The following SCNN1B variants were observed in gnomAD, a reference collection of about 807,000 sequenced individuals.
SCNN1B encodes sodium channel epithelial 1 subunit beta.
In SCNN1B, 46 loss-of-function variants were observed where a neutral mutation model predicts 65.3. The observed-to-expected ratio is 0.70, with a 90% CI of 0.56 to 0.90. The LOEUF (loss-of-function observed/expected upper bound fraction) is 0.90, where lower values mean the gene tolerates loss of function less well. SCNN1B is among the 40% of genes least tolerant of loss of function. The pLI is 0.00. For synonymous variants in SCNN1B, 349 were observed against 330.6 expected, an observed-to-expected ratio of 1.06 and a Z score of -0.60; for missense variants, 751 against 830.5, an observed-to-expected ratio of 0.90 and a Z score of 1.18.
chr16:23,299,059 C>CTTTTTTT (rs552336545), upstream of SCNN1B, among the ~76,000 whole-genome samples: 30 of 130,520 alleles, frequency 2.3e-4, no homozygotes, highest in South Asian at 5.0e-4. Flanking sequence ...TTTTCTTTTT[C>CTTTTTTT]TTTTTTTTTT....
At chr16:23,337,437 G>A (rs1432001748) in intron 1 of SCNN1B, among the ~76,000 whole-genome samples, 1 of 141,890 alleles carries the variant, frequency 7.0e-6, no homozygotes, top group African/African-American at 2.7e-5. Context: ...GCAGTGGTAT[G>A]ATCTCGGCTC....
At chr16:23,317,369 A>G (rs565046408) in intron 1 of SCNN1B, among the ~76,000 whole-genome samples, 5 of 152,334 alleles carry the variant, frequency 3.3e-5, no homozygotes, top group East Asian at 1.9e-4. Context: ...CAGCAGCTCA[A>G]TCTCTGGATT....
At chr16:23,341,851 G>A (rs1380746694) in intron 1 of SCNN1B, among the ~76,000 whole-genome samples, 1 of 152,190 alleles carries the variant, frequency 6.6e-6, no homozygotes, top group Non-Finnish European at 1.5e-5. Flanking sequence ...AGGATGTGGA[G>A]AGATTAGAAC....
chr16:23,304,189 G>C lies in SCNN1B; in HGVS notation c.-9+1752G>C. ...TCTTTATCCTAAACTAACTTCACAG[G>C]ATCTGAATTTAGGGGATGAGGTCCT... On this transcript the variant is annotated intron_variant, in intron 1 of 12. Transcript: ENST00000343070. 4.6e-6 allele frequency: 5 copies of C among 1,091,772 alleles called. No individual in the cohort carries two copies. The South Asian group carries it at 6.8e-5, about 15-fold the overall frequency. 67.6% of individuals were successfully genotyped at this position (1,091,772 alleles called of 1,614,324 possible). A position where few individuals can be genotyped will look rare whatever the true frequency, so the allele number is the denominator to read the frequency against.
intron 2 of SCNN1B, among the ~76,000 whole-genome samples, chr16:23,350,319 TC>T (rs1033019922): frequency 1.3e-5 from 2 of 152,084 alleles, no homozygotes; most frequent in African/African-American, 4.8e-5. Flanking sequence ...CCTGATGTGA[TC>T]CCAGAACTGC....
intron 1 of SCNN1B, chr16:23,283,702 G>A (rs930767664): frequency 6.6e-6 from 1 of 152,028 alleles, no homozygotes; most frequent in Non-Finnish European, 1.5e-5. Context: ...GAGGAAATTT[G>A]ATACAAGAAA....
At chr16:23,338,123 C>T (rs1429690472) in intron 1 of SCNN1B, among the ~76,000 whole-genome samples, 1 of 152,144 alleles carries the variant, frequency 6.6e-6, no homozygotes, top group African/African-American at 2.4e-5. Flanking sequence ...ATTTCCTGCA[C>T]CAAAGCTGGT....
intron 1 of SCNN1B, among the ~76,000 whole-genome samples, chr16:23,335,019 G>A (rs1387377126): frequency 1.3e-5 from 2 of 152,096 alleles, no homozygotes; most frequent in African/African-American, 4.8e-5. Flanking sequence ...AATTTTAATT[G>A]CTCTTTTCAA....
At position 23,348,547 on chromosome 16, in the gene SCNN1B, A is replaced by T. The variant is rs779513157; in HGVS notation, c.-8-45A>T. The T allele has an allele frequency of 3.9e-5, 63 of 1,595,638 alleles. 1 individual carries two copies. In the South Asian group the frequency reaches 6.6e-4, roughly 17 times the overall value. ...ACGTGACTGGGACATCCTCGCAGGC[A>T]AGGCTGGTGTCCCAGCTGATGTGCG... On this transcript the variant is annotated intron_variant, in intron 1 of 12. Transcript: ENST00000343070. This position sits in a 1 kb window ranked among gnomAD's most constrained non-coding sequence, Gnocchi z 4.5.
Position 23,305,581 on chromosome 16 carries a change from A to ATATATATATATATAAATAT in SCNN1B, c.-9+3158_-9+3159insAATATTATATATATATATA, listed in dbSNP as rs1961198700. ...ATATATATATATATATATATATTAT[A>ATATATATATATATAAATAT]TATATATATATATATATAACCTGGG... is the stretch of plus-strand genomic sequence containing the variant. On this transcript the variant is annotated intron_variant, in intron 1 of 12. Transcript: ENST00000343070. Among the ~76,000 whole-genome samples the ATATATATATATATAAATAT allele has an allele frequency of 1.5e-4, 5 of 33,410 alleles. 1 individual carries two copies. The South Asian group carries it at 3.9e-3, about 26-fold the overall frequency. 21.9% of individuals were successfully genotyped at this position (33,410 alleles called of 152,430 possible).
intron 2 of SCNN1B, among the ~76,000 whole-genome samples, chr16:23,289,908 T>G (rs1960900353): frequency 6.6e-6 from 1 of 152,102 alleles, no homozygotes; most frequent in Admixed American, 6.6e-5. Flanking sequence ...ACTCCTGATC[T>G]CAAATGATCC....
At chr16:23,324,746 C>A (rs1018218642) in intron 1 of SCNN1B, among the ~76,000 whole-genome samples, 14 of 152,320 alleles carry the variant, frequency 9.2e-5, no homozygotes, top group African/African-American at 3.4e-4. Flanking sequence ...GCAGAAACTA[C>A]CCTCTCCAAG....
At chr16:23,318,343 T>G (rs1240875396) in intron 1 of SCNN1B, among the ~76,000 whole-genome samples, 2 of 152,192 alleles carry the variant, frequency 1.3e-5, no homozygotes, top group East Asian at 3.8e-4. Context: ...GCACAGTGGC[T>G]CATGCCTGTA....
At position 23,315,065 on chromosome 16, in the gene SCNN1B, G is replaced by A. The variant is rs1056050282; in HGVS notation, c.-9+12628G>A. On this transcript the variant is annotated intron_variant, in intron 1 of 12. Coordinates refer to ENST00000343070, the MANE Select transcript of SCNN1B (RefSeq NM_000336.3). ...GAAAAACATGCCACCGGCTGGGTGC[G>A]GTGGCTCAAGCCTGTAATCCCAGCA... Among the ~76,000 whole-genome samples, 11 of 152,212 alleles carry A rather than the reference G, an allele frequency of 7.2e-5. 1 individual carries two copies. The highest frequency in any genetic ancestry group is 5.9e-5 in the Non-Finnish European group (4 of 68,032).
intron 2 of SCNN1B, among the ~76,000 whole-genome samples, chr16:23,293,114 CAAAAAAAAAAAAA>C (rs1191618996): frequency 5.9e-5 from 2 of 34,160 alleles, no homozygotes; most frequent in Non-Finnish European, 1.3e-4. Context: ...GACTCATTCT[CAAAAAAAAAAAAA>C]AAAAAAAAAA....
intron 8 of SCNN1B, among the ~76,000 whole-genome samples, chr16:23,376,902 A>G (rs1394399327): frequency 6.6e-6 from 1 of 152,152 alleles, no homozygotes; most frequent in African/African-American, 2.4e-5. Context: ...TGACCCCATA[A>G]CCCTGTCCAC....
At chr16:23,307,340 A>G (rs1961241902) in intron 1 of SCNN1B, among the ~76,000 whole-genome samples, 2 of 130,542 alleles carry the variant, frequency 1.5e-5, no homozygotes, top group Admixed American at 8.0e-5. Flanking sequence ...GGTGTGGGGA[A>G]CGGAGTTTCA....
Position 23,375,331 on chromosome 16 carries a change from C to T in SCNN1B, c.1153-407C>T, listed in dbSNP as rs74012897. On this transcript the variant is annotated intron_variant, in intron 7 of 12. Coordinates refer to ENST00000343070, the MANE Select transcript of SCNN1B (RefSeq NM_000336.3). ...ACAGAGCCAGCCTGCCTAGCTTCCT[C>T]GGTGGCCTGTCAGGGTGCATCTGTG... Among the ~76,000 whole-genome samples the T allele has an allele frequency of 2.1e-3, 316 of 152,314 alleles. 3 individuals carry two copies. Among genetic ancestry groups the T allele is most frequent in the African/African-American group, 7.1e-3 (296 of 41,576 alleles).
At chr16:23,377,841 T>C (rs1228418194) in intron 10 of SCNN1B, among the ~76,000 whole-genome samples, 1 of 151,662 alleles carries the variant, frequency 6.6e-6, no homozygotes, top group Non-Finnish European at 1.5e-5. Context: ...CCAGGCACTG[T>C]GCTGTGTACA....
Sources: allele counts gnomAD v4.1 joint callset (sites outside exome capture counted in the v4.1 genomes callset), GRCh38; gene constraint gnomAD v4.1.1; non-coding constraint Gnocchi (gnomAD v3.1); transcripts MANE v1.5; gene names NCBI Gene and HGNC (gene_info 2026-07-23, HGNC 2026-07-21).